The following NCOR1 variants were observed in gnomAD, a reference collection of about 807,000 sequenced individuals.
NCOR1 encodes protein phosphatase 1, regulatory subunit 109.
A neutral mutation model predicts 288.1 loss-of-function variants in NCOR1; 63 were observed. That is an observed-to-expected ratio of 0.22 (90% CI 0.18 to 0.27). The LOEUF (loss-of-function observed/expected upper bound fraction) is 0.27, where lower values mean the gene tolerates loss of function less well. Among genes scored for constraint, NCOR1 ranks in the 10% least tolerant of loss-of-function variants. The probability of loss-of-function intolerance (pLI) is 1.00; values close to 1 mark genes in which losing one functional copy is unlikely to be tolerated. For missense variants in NCOR1, 2,397 were observed against 3,019.2 expected (o/e 0.79, Z 4.83); for synonymous variants, 1,007 against 1,065.9 (o/e 0.94, Z 1.08).
chr17:16,033,536 C>T (rs1427981147), intron 45 of NCOR1, among the ~76,000 whole-genome samples: 4 of 152,080 alleles, frequency 2.6e-5, no homozygotes, highest in African/African-American at 4.8e-5. Flanking sequence ...ATATAATTTA[C>T]ATATATCTTA....
intron 1 of NCOR1, among the ~76,000 whole-genome samples, chr17:16,212,626 T>G (rs529252592): frequency 1.3e-5 from 2 of 152,198 alleles, no homozygotes; most frequent in African/African-American, 4.8e-5. Flanking sequence ...AGAATACAAT[T>G]AAAACCAAAT....
intron 15 of NCOR1, among the ~76,000 whole-genome samples, chr17:16,124,656 G>C (rs2153179787): frequency 6.6e-6 from 1 of 152,328 alleles, no homozygotes; most frequent in East Asian, 1.9e-4. Flanking sequence ...AACTCCCTGA[G>C]TGGCAGAATC....
At chr17:16,036,449 A>G (rs1473405185) in intron 44 of NCOR1, among the ~76,000 whole-genome samples, 1 of 152,232 alleles carries the variant, frequency 6.6e-6, no homozygotes, top group Non-Finnish European at 1.5e-5. Flanking sequence ...CACCACCTGC[A>G]TTAGCCCCTA....
intron 21 of NCOR1, among the ~76,000 whole-genome samples, chr17:16,096,735 C>G (rs1598552963): frequency 6.6e-6 from 1 of 152,186 alleles, no homozygotes; most frequent in Non-Finnish European, 1.5e-5. Flanking sequence ...AAGTTAGACT[C>G]AGCATCTTCC....
intron 2 of NCOR1, chr17:16,192,043 A>AC (rs1372278091): frequency 6.6e-6 from 1 of 151,784 alleles, no homozygotes; most frequent in Non-Finnish European, 1.5e-5. Flanking sequence ...CAAAAAAAAA[A>AC]CAAAAAAAAT....
At chr17:16,171,171 T>G (rs2083082959) in intron 4 of NCOR1, among the ~76,000 whole-genome samples, 1 of 152,106 alleles carries the variant, frequency 6.6e-6, no homozygotes, top group Non-Finnish European at 1.5e-5. Flanking sequence ...CATCAAAATA[T>G]CACACTGTAT....
intron 33 of NCOR1, 66 bp downstream of exon 33, chr17:16,065,419 G>C: frequency 2.7e-6 from 4 of 1,484,506 alleles, no homozygotes; most frequent in Non-Finnish European, 3.8e-6. Context: ...AGTATTTACT[G>C]AGTACCTAAG....
chr17:16,127,487 GTA>G (rs933143644), intron 14 of NCOR1, among the ~76,000 whole-genome samples: 6 of 142,568 alleles, frequency 4.2e-5, no homozygotes, highest in Middle Eastern at 4.3e-3. Context: ...ATACACGTGT[GTA>G]TATGTGCATG....
chr17:16,117,693 G>A (rs191206099), intron 18 of NCOR1, among the ~76,000 whole-genome samples, 195 bp downstream of exon 18: 1 of 152,000 alleles, frequency 6.6e-6, no homozygotes, highest in East Asian at 1.9e-4. Flanking sequence ...CATGGTGGCG[G>A]GCGCCTGTAG....
At chr17:16,179,677 A>T (rs1226711192) in intron 3 of NCOR1, among the ~76,000 whole-genome samples, 1 of 152,226 alleles carries the variant, frequency 6.6e-6, no homozygotes, top group East Asian at 1.9e-4. Context: ...CATCACAAGA[A>T]AACAAAACTA....
At chr17:16,193,033 G>C (rs891168687) in intron 2 of NCOR1, among the ~76,000 whole-genome samples, 1 of 152,172 alleles carries the variant, frequency 6.6e-6, no homozygotes, top group African/African-American at 2.4e-5. Context: ...GGAAGTCGGG[G>C]AGGAGGACTG....
chr17:16,035,359 C>T (rs759738548), intron 44 of NCOR1, among the ~76,000 whole-genome samples: 13 of 152,080 alleles, frequency 8.5e-5, no homozygotes, highest in Non-Finnish European at 1.5e-4. Context: ...TATTCTAAAT[C>T]CTTTGTTGTC....
At chr17:16,134,226 A>G (rs764926320) in intron 14 of NCOR1, among the ~76,000 whole-genome samples, 1 of 152,254 alleles carries the variant, frequency 6.6e-6, no homozygotes, top group Non-Finnish European at 1.5e-5. Flanking sequence ...TGGAATAAGT[A>G]TACAAACAAT....
At chr17:16,163,301 A>G (rs1271974791) in intron 5 of NCOR1, among the ~76,000 whole-genome samples, 1 of 152,212 alleles carries the variant, frequency 6.6e-6, no homozygotes, top group Middle Eastern at 3.2e-3. Flanking sequence ...CAGAATATAT[A>G]AAGAATTCTT....
At chr17:16,151,634 C>A (rs1168035568) in intron 8 of NCOR1, 2 of 1,372,334 alleles carry the variant, frequency 1.5e-6, no homozygotes, top group Non-Finnish European at 1.9e-6. Context: ...AAAGACAAAA[C>A]AGGAGGCAAA....
At chr17:16,176,884 A>G (rs1029499931) in intron 3 of NCOR1, among the ~76,000 whole-genome samples, 2 of 152,044 alleles carry the variant, frequency 1.3e-5, no homozygotes, top group East Asian at 3.8e-4. Context: ...TTTTCCTGGA[A>G]CAAGATATGT....
chr17:16,207,203 G>A (rs186059869), intron 1 of NCOR1, among the ~76,000 whole-genome samples: 1 of 152,118 alleles, frequency 6.6e-6, no homozygotes, highest in Admixed American at 6.6e-5. Context: ...AAACATCTTT[G>A]AACAGAAACT....
intron 10 of NCOR1, among the ~76,000 whole-genome samples, chr17:16,145,424 G>A (rs559307837): frequency 6.7e-6 from 1 of 148,966 alleles, no homozygotes; most frequent in East Asian, 1.9e-4. Flanking sequence ...GAGCGTCTCT[G>A]CCCGGCCGCC....
rs1403202191 is a variant in NCOR1 at position 16,057,536 on chromosome 17, G to C, written c.6370C>G (p.Leu2124Val). The C allele has an allele frequency of 6.2e-7, 1 of 1,614,098 alleles. No individual in the cohort carries two copies. Among genetic ancestry groups the C allele is most frequent in the East Asian group, 2.2e-5 (1 of 44,868 alleles). ...TACCTTCCCCTGGATTTGTCCACAA[G>C]ATTTTCTGGAGAGACCCTTGAACCT... The part of the protein sequence containing the change: ...RPGSRVSPEN[L>V]VDKSRGSRPG... Residue 2124 changes from leucine to valine, a missense_variant, in exon 40 of 46, where the codon CTT becomes GTT. By Grantham distance (32) the Leu-to-Val change is conservative. Transcript: ENST00000268712.
Sources: gnomAD v4.1 joint callset for allele counts (sites outside exome capture counted in the v4.1 genomes callset) on GRCh38, gnomAD v4.1.1 for gene constraint, MANE v1.5 for transcripts, NCBI Gene and HGNC (gene_info 2026-07-23, HGNC 2026-07-21) for gene names.